The following NPC1 variants were observed in gnomAD, a reference collection of about 807,000 sequenced individuals.
The protein encoded by NPC1 is Niemann-Pick C1 protein.
A neutral mutation model predicts 140.4 loss-of-function variants in NPC1; 85 were observed. That is an observed-to-expected ratio of 0.61 (90% CI 0.51 to 0.72). NPC1 has a LOEUF of 0.72. NPC1 is among the 30% of genes least tolerant of loss of function. NPC1 has a pLI of 0.00. For synonymous variants in NPC1, 656 were observed against 624.8 expected (o/e 1.05, Z -0.74); for missense variants, 1,504 against 1,623.8 (o/e 0.93, Z 1.27).
At position 23,544,947 on chromosome 18, in the gene NPC1, C is replaced by A. The variant is rs568769965; in HGVS notation, c.1947+13G>T. 4.7e-4 allele frequency: 643 copies of A among 1,359,482 alleles called. 46 individuals are homozygous for A. Among genetic ancestry groups the A allele is most frequent in the Non-Finnish European group, 6.2e-4 (601 of 963,788 alleles). 84.2% of individuals were successfully genotyped at this position (1,359,482 alleles called of 1,614,324 possible). A position where few individuals can be genotyped will look rare whatever the true frequency, so the allele number is the denominator to read the frequency against. On this transcript the variant is annotated intron_variant, in intron 12 of 24. Coordinates refer to ENST00000269228, the MANE Select transcript of NPC1 (RefSeq NM_000271.5). ...TTAACCTCTAGAACATACACCACCC[C>A]CCCCCGGCTTACCAGAAGCCTGCGA...
Position 23,548,025 on chromosome 18 carries a change from C to A in NPC1, c.1738G>T (p.Ala580Ser). The A allele has an allele frequency of 6.2e-7, 1 of 1,603,940 alleles. No individual in the cohort carries two copies. Among genetic ancestry groups the A allele is most frequent in the African/African-American group, 1.3e-5 (1 of 74,850 alleles). ...ACTCACTCTTTTTCCCAGGCCTGGGCCCTCTGGAGCTTCTCTGTATCATTA... is the reference window on the plus strand; with the variant it reads ...ACTCACTCTTTTTCCCAGGCCTGGGACCTCTGGAGCTTCTCTGTATCATTA... The part of the protein sequence containing the change: ...YYNDTEKLQR[A>S]QAWEKEFINF... The change falls in exon 11 of 25, where the codon GCC becomes TCC. Residue 580 changes from alanine (A) to serine (S), a missense_variant. Transcript: ENST00000269228.
chr18:23,566,739 G>A (rs1309675422), intron 4 of NPC1, among the ~76,000 whole-genome samples: 1 of 152,126 alleles, frequency 6.6e-6, no homozygotes, highest in African/African-American at 2.4e-5. Context: ...TTTTAAGTAT[G>A]TAGTACTTTT....
chr18:23,530,588 C>T (rs1175800665), downstream of NPC1: 5 of 1,613,786 alleles, frequency 3.1e-6, no homozygotes, highest in Non-Finnish European at 4.2e-6. Context: ...CCAGCGTTTG[C>T]GAGGGAGCCC....
At chr18:23,566,608 A>G (rs2059128549) in intron 4 of NPC1, among the ~76,000 whole-genome samples, 1 of 151,762 alleles carries the variant, frequency 6.6e-6, no homozygotes, top group Admixed American at 6.6e-5. Flanking sequence ...ACACACACAC[A>G]CACACTCTAT....
intron 11 of NPC1, among the ~76,000 whole-genome samples, chr18:23,545,519 C>T (rs1397825139): frequency 1.3e-5 from 2 of 152,234 alleles, no homozygotes; most frequent in South Asian, 2.1e-4. Context: ...GCTGGGATTA[C>T]AGGCGTGAGC....
rs559058712 is a variant in NPC1, at chr18:23,568,956, C to T, written c.330G>A (p.Glu110=). The T allele has an allele frequency of 6.2e-7, 1 of 1,613,994 alleles. No individual in the cohort carries two copies. The highest frequency in any genetic ancestry group is 1.1e-5 in the South Asian group (1 of 91,078). ...CFYNLLNLFC[E]LTCSPRQSQF... is the part of the protein sequence containing the mutation. The stretch of plus-strand genomic sequence containing the variant: ...GACTCTGTCGAGGGCTACATGTCAG[C>T]TCACAAAACAGGTTCAGTAGGTTAT... The change falls in exon 4 of 25, where the codon GAG becomes GAA. Residue 110 remains glutamate, a synonymous_variant. Coordinates refer to ENST00000269228, the MANE Select transcript of NPC1 (RefSeq NM_000271.5).
intron 3 of NPC1, among the ~76,000 whole-genome samples, chr18:23,510,383 C>G (rs2145150893): frequency 6.6e-6 from 1 of 151,648 alleles, no homozygotes; most frequent in Middle Eastern, 3.4e-3. Flanking sequence ...TACAGTGGCT[C>G]ACACCTGTAA....
intron 4 of NPC1, among the ~76,000 whole-genome samples, chr18:23,567,695 T>A (rs949949661): frequency 2.0e-5 from 3 of 152,200 alleles, no homozygotes; most frequent in Non-Finnish European, 2.9e-5. Flanking sequence ...AAGGCAGGCA[T>A]CTATAAGTGA....
In NPC1 at chr18:23,536,842, G is replaced by C; in HGVS notation, c.3076C>G (p.Leu1026Val). The C allele has an allele frequency of 6.2e-7, 1 of 1,614,134 alleles. No individual in the cohort carries two copies. The highest frequency in any genetic ancestry group is 8.5e-7 in the Non-Finnish European group (1 of 1,180,012). Residue 1026 changes from leucine to valine, a missense_variant, in exon 21 of 25, where the codon CTC becomes GTC. Leu to Val is a conservative substitution (Grantham distance 32). Transcript: ENST00000269228. The stretch of plus-strand genomic sequence containing the variant: ...CCGACCCTGGTGCCATGGCCAAGGA[G>C]GATGTTAACTGCAGAACTATAGGCA... ...HAAYSSAVNI[L>V]LGHGTRVGAT...
intron 7 of NPC1, 60 bp from the exon 8 acceptor site, chr18:23,556,673 C>T (rs762985005): frequency 1.7e-5 from 27 of 1,600,436 alleles, no homozygotes; most frequent in Admixed American, 1.0e-4. Flanking sequence ...TCCTGAAAGT[C>T]GGAACAGGGA....
intron 20 of NPC1, among the ~76,000 whole-genome samples, chr18:23,537,111 C>T (rs1289450670): frequency 6.6e-6 from 1 of 152,138 alleles, no homozygotes; most frequent in Non-Finnish European, 1.5e-5. Context: ...CTCTGTAGCC[C>T]AGGCTGGAGT....
At chr18:23,565,003 C>A (rs2059102388) in intron 4 of NPC1, among the ~76,000 whole-genome samples, 1 of 152,210 alleles carries the variant, frequency 6.6e-6, no homozygotes, top group Non-Finnish European at 1.5e-5. Context: ...ATTATTTATT[C>A]TCAGTTATAT....
chr18:23,569,779 T>C (rs753476160), intron 3 of NPC1, among the ~76,000 whole-genome samples: 4 of 152,228 alleles, frequency 2.6e-5, no homozygotes, highest in African/African-American at 7.2e-5. Flanking sequence ...AACAGCAATG[T>C]TGTTCTCTGG....
rs1032415844 is a variant in NPC1, at chr18:23,557,177, C to A, written c.895G>T (p.Val299Phe). ...CTATCGATGGGAGTGTACTCGGAGACAAAATACCGTTTTCTGAAAAACAGA... is the reference window on the plus strand; with the variant it reads ...CTATCGATGGGAGTGTACTCGGAGAAAAAATACCGTTTTCTGAAAAACAGA... ...AVWCYRKRYFVSEYTPIDSNI... is the reference protein window; with the variant it reads ...AVWCYRKRYFFSEYTPIDSNI... Residue 299 changes from valine to phenylalanine, a missense_variant, in exon 7 of 25, where the codon GTC (valine) becomes TTC (phenylalanine). Transcript: ENST00000269228. 5 of 1,613,204 alleles carry A rather than the reference C, an allele frequency of 3.1e-6. No homozygotes were observed. The highest frequency in any genetic ancestry group is 4.2e-6 in the Non-Finnish European group (5 of 1,179,630).
intron 3 of NPC1, among the ~76,000 whole-genome samples, chr18:23,569,819 A>C (rs577455040): frequency 2.0e-5 from 3 of 152,352 alleles, no homozygotes; most frequent in African/African-American, 4.8e-5. Context: ...ACACAACTGC[A>C]CAAGAACCAT....
intron 3 of NPC1, among the ~76,000 whole-genome samples, chr18:23,511,488 A>C (rs1247036249): frequency 2.0e-5 from 3 of 152,196 alleles, no homozygotes; most frequent in Non-Finnish European, 4.4e-5. Flanking sequence ...AAAACAAAAA[A>C]CATTCAAACA....
chr18:23,561,947 G>A (rs530573304), intron 4 of NPC1, among the ~76,000 whole-genome samples: 17 of 152,258 alleles, frequency 1.1e-4, no homozygotes, highest in Middle Eastern at 6.8e-3. Flanking sequence ...GAGAATTATG[G>A]AACTTACTTG....
At chr18:23,536,043 C>A (rs184981177) in intron 21 of NPC1, among the ~76,000 whole-genome samples, 1 of 152,202 alleles carries the variant, frequency 6.6e-6, no homozygotes, top group African/African-American at 2.4e-5. Flanking sequence ...TGAGACACTA[C>A]CTCAGGCTCA....
In NPC1 at chr18:23,531,791, AGT is replaced by A; in HGVS notation, c.*409_*410del. On this transcript the variant is annotated 3_prime_UTR_variant, in exon 25 of 25. Coordinates refer to ENST00000269228, the MANE Select transcript of NPC1 (RefSeq NM_000271.5). Reference sequence around the variant, plus strand: ...CTCTTTAAACTATAAAATGTTATAAAGTGTATCTACAACCTCAACTGTCACTA... The same window carrying A: ...CTCTTTAAACTATAAAATGTTATAAAGTATCTACAACCTCAACTGTCACTA... 1 of 1,547,998 alleles carries A rather than the reference AGT, an allele frequency of 6.5e-7. No homozygotes were observed.
Sources: allele counts gnomAD v4.1 joint callset (sites outside exome capture counted in the v4.1 genomes callset), GRCh38; gene constraint gnomAD v4.1.1; transcripts MANE v1.5; gene names NCBI Gene and HGNC (gene_info 2026-07-23, HGNC 2026-07-21).